Variants in GLIS3 observed in about 807,000 individuals in gnomAD.
The protein encoded by GLIS3 is zinc finger protein GLIS3.
A neutral mutation model predicts 78.6 loss-of-function variants in GLIS3; 53 were observed. The ratio of observed to expected loss-of-function variants is 0.67; its 90% confidence interval spans 0.54 to 0.85. GLIS3 has a LOEUF of 0.85. GLIS3 is among the 40% of genes least tolerant of loss of function. The pLI is 0.00. For missense variants in GLIS3, 1,703 were observed against 1,231.1 expected (o/e 1.38, Z -5.74); for synonymous variants, 684 against 509.9 (o/e 1.34, Z -4.60).
intron 4 of GLIS3, among the ~76,000 whole-genome samples, chr9:4,021,308 G>A (rs1366225559): frequency 6.6e-6 from 1 of 152,158 alleles, no homozygotes; most frequent in African/African-American, 2.4e-5. Flanking sequence ...ATTTTTAAAT[G>A]ATTTATAACA....
chr9:4,422,608 T>C, the GLIS3 span, among the ~76,000 whole-genome samples: 1 of 152,170 alleles, frequency 6.6e-6, no homozygotes, highest in Non-Finnish European at 1.5e-5. Context: ...ATATGAGCAC[T>C]GGGGACACAA....
At chr9:4,152,390 T>A (rs1039029464) in intron 2 of GLIS3, among the ~76,000 whole-genome samples, 1 of 152,168 alleles carries the variant, frequency 6.6e-6, no homozygotes, top group African/African-American at 2.4e-5. Flanking sequence ...TTAAACACAA[T>A]AACAAGGTTT....
In GLIS3 at chr9:4,317,633, G is replaced by T. The variant is rs145041950; in HGVS notation, n.265-7105C>A. Among the ~76,000 whole-genome samples the T allele has an allele frequency of 9.5e-3, 1,447 of 152,286 alleles. 17 individuals carry two copies. Among genetic ancestry groups the T allele is most frequent in the Non-Finnish European group, 0.011 (749 of 68,026 alleles). ...ATGATACCTATTTTCATTAGTCATA[G>T]ATTCTAAATGTATCTTTTTTAAAAA... On this transcript the variant is annotated intron_variant and non_coding_transcript_variant, in intron 2 of 4. Transcript: ENST00000471664.
intron 2 of GLIS3, among the ~76,000 whole-genome samples, chr9:4,262,780 G>A (rs1467978649): frequency 1.3e-5 from 2 of 151,952 alleles, no homozygotes; most frequent in African/African-American, 4.8e-5. Flanking sequence ...ATACCACACT[G>A]GCTATTTATC....
chr9:4,365,941 A>T, the GLIS3 span, among the ~76,000 whole-genome samples: 10 of 152,224 alleles, frequency 6.6e-5, no homozygotes. Flanking sequence ...AGTCTATTCA[A>T]ATCAGTTTAA....
chr9:3,863,371 A>G (rs993104901), intron 8 of GLIS3, among the ~76,000 whole-genome samples: 2 of 152,238 alleles, frequency 1.3e-5, no homozygotes, highest in Non-Finnish European at 2.9e-5. Context: ...AATCAAGACC[A>G]GCTTTCAGTA....
intron 2 of GLIS3, among the ~76,000 whole-genome samples, chr9:4,231,708 T>A (rs1386087520): frequency 6.6e-6 from 1 of 152,232 alleles, no homozygotes. Context: ...TGTAAATCAA[T>A]AATCTTATGA....
intron 2 of GLIS3, among the ~76,000 whole-genome samples, chr9:4,310,942 T>C (rs1158617338): frequency 6.6e-6 from 1 of 152,206 alleles, no homozygotes; most frequent in African/African-American, 2.4e-5. Context: ...AGCTAGAGAT[T>C]TGGACCCATT....
Position 3,898,768 on chromosome 9 carries a change from G to C in GLIS3, c.2051C>G (p.Pro684Arg), listed in dbSNP as rs542599450. The change falls in exon 7 of 11, where the codon CCG (proline) becomes CGG (arginine). Residue 684 changes from proline (P) to arginine (R), a missense_variant. Pro to Arg is a moderately radical substitution (Grantham distance 103). Transcript: ENST00000381971. ...TDCLTVQSLQPATSPRDAAAE... is the reference protein window; with the variant it reads ...TDCLTVQSLQRATSPRDAAAE... ...AGCAGCATCTCTAGGGGAAGTGGCC[G>C]GCTGCAGGGACTGCACGGTGAGGCA... The C allele has an allele frequency of 2.5e-6, 4 of 1,614,064 alleles. No homozygotes were observed. In the East Asian group the frequency reaches 8.9e-5, roughly 36 times the overall value.
intron 1 of GLIS3, among the ~76,000 whole-genome samples, chr9:4,294,674 C>T (rs4474077): frequency 0.93 from 141,730 of 152,248 alleles, 66,405 homozygotes; most frequent in Non-Finnish European, 0.98. Flanking sequence ...CTGTGTTTCA[C>T]TTTCCTGTCT....
At chr9:4,419,781 A>T in the GLIS3 span, among the ~76,000 whole-genome samples, 1 of 152,070 alleles carries the variant, frequency 6.6e-6, no homozygotes, top group Non-Finnish European at 1.5e-5. Flanking sequence ...CTCTGTCTCA[A>T]AAACAAACAA....
rs184912100 is a variant in GLIS3, at chr9:4,128,252, C to T, written c.389-2311G>A. 2.0e-4 allele frequency among the ~76,000 whole-genome samples: 30 copies of T among 152,336 alleles called. 1 individual carries two copies. The highest frequency in any genetic ancestry group is 7.3e-5 in the Non-Finnish European group (5 of 68,030). ...TCCTATATGACCTCCTCCTCCACTACCTGTTAGGCAGATCTGACCACTGCT... is the reference window on the plus strand; with the variant it reads ...TCCTATATGACCTCCTCCTCCACTATCTGTTAGGCAGATCTGACCACTGCT... On this transcript the variant is annotated intron_variant, in intron 2 of 10. Coordinates refer to ENST00000381971, the MANE Select transcript of GLIS3 (RefSeq NM_001042413.2).
chr9:4,352,494 C>G (rs1817985662), upstream of GLIS3, among the ~76,000 whole-genome samples: 1 of 152,282 alleles, frequency 6.6e-6, no homozygotes, highest in African/African-American at 2.4e-5. Flanking sequence ...CAAGGGCCTT[C>G]CCTGATTCCC....
intron 4 of GLIS3, among the ~76,000 whole-genome samples, chr9:4,031,210 A>T (rs896117142): frequency 6.6e-6 from 1 of 152,236 alleles, no homozygotes; most frequent in African/African-American, 2.4e-5. Context: ...TATTTACAAT[A>T]GTCAAAAGGT....
At chr9:4,107,849 T>C (rs750924633) in intron 4 of GLIS3, among the ~76,000 whole-genome samples, 6 of 152,186 alleles carry the variant, frequency 3.9e-5, no homozygotes, top group Non-Finnish European at 8.8e-5. Context: ...CCATTTTATT[T>C]CTTTATTTTT....
At chr9:4,464,339 G>T in the GLIS3 span, among the ~76,000 whole-genome samples, 1 of 151,110 alleles carries the variant, frequency 6.6e-6, no homozygotes, top group Non-Finnish European at 1.5e-5. Flanking sequence ...ATTTCAATTT[G>T]TGATAGTAAT....
chr9:3,824,918 TGCAAAAAAAAAAAAAAATAATAACC>T lies in GLIS3; in HGVS notation c.*3329_*3353del, dbSNP rs1411427506. The T allele has an allele frequency of 5.4e-5, 4 of 74,054 alleles. No individual in the cohort carries two copies. The East Asian group carries it at 1.4e-3, about 26-fold the overall frequency. 4.6% of individuals were successfully genotyped at this position (74,054 alleles called of 1,614,324 possible). A position where few individuals can be genotyped will look rare whatever the true frequency, so the allele number is the denominator to read the frequency against. ...GCTTTTTTTTTTTTGCTTCATCTGTTGCAAAAAAAAAAAAAAATAATAACCGCAGAAATTCCACACCACTAACAAA... is the reference window on the plus strand; with the variant it reads ...GCTTTTTTTTTTTTGCTTCATCTGTTGCAGAAATTCCACACCACTAACAAA... On this transcript the variant is annotated 3_prime_UTR_variant, in exon 11 of 11. Transcript: ENST00000381971.
At chr9:4,394,165 C>G in the GLIS3 span, among the ~76,000 whole-genome samples, 2 of 151,732 alleles carry the variant, frequency 1.3e-5, no homozygotes, top group Non-Finnish European at 2.9e-5. Flanking sequence ...CCGTGAGGAC[C>G]CAGAATTCTT....
At chr9:3,884,864 C>G (rs1821966776) in intron 7 of GLIS3, among the ~76,000 whole-genome samples, 2 of 152,130 alleles carry the variant, frequency 1.3e-5, no homozygotes, top group Admixed American at 1.3e-4. Flanking sequence ...AAAGGCAAGA[C>G]AGATTCAAGA....
Sources: allele counts gnomAD v4.1 joint callset (sites outside exome capture counted in the v4.1 genomes callset), GRCh38; gene constraint gnomAD v4.1.1; transcripts MANE v1.5; gene names NCBI Gene and HGNC (gene_info 2026-07-23, HGNC 2026-07-21).